Variants in AGBL1 observed in about 807,000 individuals in gnomAD.
AGBL1 encodes the protein AGBL carboxypeptidase 1.
Under a neutral mutation model 118.9 loss-of-function variants are expected in AGBL1, and 130 were observed. That is an observed-to-expected ratio of 1.09 (90% confidence interval 0.95 to 1.26). AGBL1 has a LOEUF of 1.26. Among genes scored for constraint, AGBL1 ranks in the 50% most tolerant of loss-of-function variants. The pLI is 0.00. For synonymous variants in AGBL1, 555 were observed against 478.9 expected, an observed-to-expected ratio of 1.16 and a Z score of -2.08; for missense variants, 1,584 against 1,298.1, an observed-to-expected ratio of 1.22 and a Z score of -3.38.
chr15:86,127,594 G>A (rs1188074028), intron 1 of AGBL1, among the ~76,000 whole-genome samples: 6 of 152,326 alleles, frequency 3.9e-5, no homozygotes, highest in African/African-American at 1.4e-4. Context: ...AACCCTAAGT[G>A]GAAAAGGAGA....
chr15:86,657,967 A>C lies in AGBL1; in HGVS notation c.2995-16306A>C, dbSNP rs918115860. On this transcript the variant is annotated intron_variant, in intron 21 of 22. Transcript: ENST00000614907. Reference sequence around the variant, plus strand: ...AGAGATAAGATGCTCAACTTCTCTCAAACTCATCATTAGGACTGTTGTAAG... The same window carrying C: ...AGAGATAAGATGCTCAACTTCTCTCCAACTCATCATTAGGACTGTTGTAAG... 2.0e-5 allele frequency among the ~76,000 whole-genome samples: 3 copies of C among 152,260 alleles called. No homozygotes were observed. The South Asian group carries it at 6.2e-4, about 32-fold the overall frequency.
chr15:86,476,397 A>G (rs968940335), intron 18 of AGBL1, among the ~76,000 whole-genome samples: 2 of 152,206 alleles, frequency 1.3e-5, no homozygotes, highest in East Asian at 3.8e-4. Flanking sequence ...TCTACCAAGA[A>G]AATGGAAAAC....
At chr15:86,294,814 G>A (rs1056731247) in intron 16 of AGBL1, among the ~76,000 whole-genome samples, 3 of 152,068 alleles carry the variant, frequency 2.0e-5, no homozygotes, top group African/African-American at 7.2e-5. Context: ...TGCATAGATT[G>A]AGCAAAGGTC....
intron 22 of AGBL1, among the ~76,000 whole-genome samples, chr15:86,854,326 C>T (rs1242474548): frequency 1.3e-5 from 2 of 152,080 alleles, no homozygotes; most frequent in African/African-American, 4.8e-5. Flanking sequence ...CCTGATATGC[C>T]CATATGCTCC....
intron 23 of AGBL1, among the ~76,000 whole-genome samples, chr15:86,972,138 A>T (rs1312502754): frequency 6.6e-6 from 1 of 152,012 alleles, no homozygotes; most frequent in Non-Finnish European, 1.5e-5. Context: ...ATAGTTTTCC[A>T]TTTACCCTGG....
chr15:86,353,440 C>T (rs2080663465), intron 17 of AGBL1, among the ~76,000 whole-genome samples: 2 of 152,120 alleles, frequency 1.3e-5, no homozygotes, highest in South Asian at 4.1e-4. Context: ...AGTTTCATTT[C>T]CTAATGAAAG....
chr15:86,737,488 C>G (rs1465013677), intron 22 of AGBL1, among the ~76,000 whole-genome samples: 2 of 152,126 alleles, frequency 1.3e-5, no homozygotes, highest in Non-Finnish European at 2.9e-5. Context: ...ATGGAGGTTT[C>G]AAAAGCCTAA....
At chr15:86,104,288 T>A (rs1896903077) in intron 1 of AGBL1, among the ~76,000 whole-genome samples, 1 of 151,940 alleles carries the variant, frequency 6.6e-6, no homozygotes, top group Non-Finnish European at 1.5e-5. Flanking sequence ...AGGGTCCCAG[T>A]GGAATGTTTG....
At chr15:86,359,394 T>C (rs79100423) in intron 17 of AGBL1, among the ~76,000 whole-genome samples, 3 of 33,704 alleles carry the variant, frequency 8.9e-5, no homozygotes, top group Non-Finnish European at 1.6e-4. Context: ...TTTCTTTTTT[T>C]TTTTTTTTTT....
At chr15:86,945,768 GTA>G (rs1286946122) in intron 23 of AGBL1, among the ~76,000 whole-genome samples, 5 of 152,338 alleles carry the variant, frequency 3.3e-5, no homozygotes, top group Non-Finnish European at 5.9e-5. Context: ...GTGCGTGTAT[GTA>G]TGTTTTCTAT....
chr15:86,778,077 G>A (rs879405878), intron 22 of AGBL1, among the ~76,000 whole-genome samples: 1 of 152,084 alleles, frequency 6.6e-6, no homozygotes, highest in Non-Finnish European at 1.5e-5. Context: ...GGGTGTCCAG[G>A]GGAGACATCA....
chr15:86,531,993 C>T (rs1287597527), intron 19 of AGBL1, among the ~76,000 whole-genome samples: 1 of 151,688 alleles, frequency 6.6e-6, no homozygotes, highest in South Asian at 2.1e-4. Context: ...GACAAACCCA[C>T]AGCCAATATC....
intron 21 of AGBL1, among the ~76,000 whole-genome samples, chr15:86,644,515 C>A (rs1340872213): frequency 2.0e-5 from 3 of 151,966 alleles, no homozygotes; most frequent in Non-Finnish European, 2.9e-5. Context: ...ATCCTTAATT[C>A]TAACAGCATA....
intron 19 of AGBL1, among the ~76,000 whole-genome samples, chr15:86,536,351 A>C (rs1431088817): frequency 6.6e-6 from 1 of 152,084 alleles, no homozygotes; most frequent in Non-Finnish European, 1.5e-5. Context: ...TCGATCTGTC[A>C]CCAGGCTGGA....
At chr15:86,873,476 A>G (rs1487566350) in intron 22 of AGBL1, among the ~76,000 whole-genome samples, 1 of 152,202 alleles carries the variant, frequency 6.6e-6, no homozygotes, top group Non-Finnish European at 1.5e-5. Flanking sequence ...ATACAATCTG[A>G]AAGTTTTTGT....
rs138161133 is a variant in AGBL1 at position 86,241,916 on chromosome 15, G to A, written c.527-5755G>A. 2.7e-3 allele frequency among the ~76,000 whole-genome samples: 404 copies of A among 152,256 alleles called. 2 individuals carry two copies. The highest frequency in any genetic ancestry group is 9.1e-3 in the African/African-American group (377 of 41,562). On this transcript the variant is annotated intron_variant, in intron 6 of 22. Coordinates refer to ENST00000614907, the MANE Select transcript of AGBL1 (RefSeq NM_001386094.1). Reference sequence around the variant, plus strand: ...TGTGTCTCTACTGAAATCTCATCTTGAATTGTAGCTCTCACAGTTCCCACG... The same window carrying A: ...TGTGTCTCTACTGAAATCTCATCTTAAATTGTAGCTCTCACAGTTCCCACG...
At chr15:86,405,928 T>C (rs1596074959) in intron 18 of AGBL1, among the ~76,000 whole-genome samples, 1 of 151,886 alleles carries the variant, frequency 6.6e-6, no homozygotes, top group Non-Finnish European at 1.5e-5. Context: ...ACCTAGCAGG[T>C]TGAGGGGCTC....
chr15:86,263,331 C>T (rs1324418997), intron 10 of AGBL1, among the ~76,000 whole-genome samples: 1 of 152,180 alleles, frequency 6.6e-6, no homozygotes, highest in African/African-American at 2.4e-5. Flanking sequence ...AGCAACAGGC[C>T]ACACCATATA....
chr15:86,262,635 C>T, intron 9 of AGBL1, 143 bp from the exon 10 acceptor site: 1 of 701,160 alleles, frequency 1.4e-6, no homozygotes, highest in Non-Finnish European at 2.6e-6. Flanking sequence ...ATAACAAATT[C>T]TTCACTGGAT....
Sources: allele counts gnomAD v4.1 joint callset (sites outside exome capture counted in the v4.1 genomes callset), GRCh38; gene constraint gnomAD v4.1.1; transcripts MANE v1.5; gene names NCBI Gene and HGNC (gene_info 2026-07-23, HGNC 2026-07-21).